The following KLC1 variants were observed in gnomAD, a reference collection of about 807,000 sequenced individuals.
The protein encoded by KLC1 is kinesin 2 60/70kDa.
Under a neutral mutation model 84.2 loss-of-function variants are expected in KLC1, and 30 were observed. The observed-to-expected ratio is 0.36, with a 90% CI of 0.27 to 0.48. The LOEUF is 0.48. Ranked by LOEUF, KLC1 falls within the 20% of genes least tolerant of loss-of-function variation. The pLI is 0.99. For synonymous variants in KLC1, 289 were observed against 293.3 expected, an observed-to-expected ratio of 0.99 and a Z score of 0.15; for missense variants, 499 against 805.4, an observed-to-expected ratio of 0.62 and a Z score of 4.60.
chr14:103,675,443 C>T (rs2080799873), intron 9 of KLC1, 109 bp from the exon 10 acceptor site: 1 of 863,858 alleles, frequency 1.2e-6, no homozygotes, highest in South Asian at 1.7e-5. Context: ...AAGTTTGAAA[C>T]TTTTCGAGTG....
intron 5 of KLC1, among the ~76,000 whole-genome samples, chr14:103,669,118 C>A (rs926877440): frequency 8.6e-5 from 13 of 151,504 alleles, no homozygotes; most frequent in Admixed American, 4.0e-4. Flanking sequence ...ACTTTTATTT[C>A]TGTAGTTGAA....
intron 1 of KLC1, among the ~76,000 whole-genome samples, chr14:103,638,618 T>C (rs1021047165): frequency 6.6e-6 from 1 of 151,784 alleles, no homozygotes; most frequent in African/African-American, 2.4e-5. Context: ...CCAAAGATGA[T>C]GCCCTTTGCT....
chr14:103,668,463 T>A (rs2080079548), intron 5 of KLC1, among the ~76,000 whole-genome samples: 1 of 152,116 alleles, frequency 6.6e-6, no homozygotes, highest in Non-Finnish European at 1.5e-5. Context: ...TCCATAAGCT[T>A]GTGGTTTTTC....
intron 1 of KLC1, among the ~76,000 whole-genome samples, chr14:103,637,431 G>A (rs2077130835): frequency 6.6e-6 from 1 of 151,890 alleles, no homozygotes; most frequent in Non-Finnish European, 1.5e-5. Context: ...TTGGGAGGCT[G>A]AGGCAGAAGA....
intron 1 of KLC1, among the ~76,000 whole-genome samples, chr14:103,637,849 C>A (rs1490027186): frequency 6.6e-6 from 1 of 152,118 alleles, no homozygotes; most frequent in Non-Finnish European, 1.5e-5. Flanking sequence ...CATGTGCGCA[C>A]CACCATGACC....
rs2079404491 is a variant in KLC1 at position 103,662,936 on chromosome 14, C to T, written c.797+9C>T. On this transcript the variant is annotated intron_variant, in intron 5 of 16. Transcript: ENST00000334553. ...CTGGCCTTGGTGTACAGGCTAGTCA[C>T]TTTTGTTTACCTACTGAATTTTACC... 6.3e-7 allele frequency: 1 copy of T among 1,580,406 alleles called. No homozygotes were observed. The highest frequency in any genetic ancestry group is 8.6e-7 in the Non-Finnish European group (1 of 1,162,604).
Position 103,694,785 on chromosome 14 carries a change from G to A in KLC1, c.1848+2360G>A. 1.0e-6 allele frequency: 1 copy of A among 985,506 alleles called. No individual in the cohort carries two copies. Among genetic ancestry groups the A allele is most frequent in the Non-Finnish European group, 1.2e-6 (1 of 829,948 alleles). The allele number at this position is 985,506 out of a possible 1,614,324, so 61.0% of individuals were successfully genotyped here. A position where few individuals can be genotyped will look rare whatever the true frequency, so the allele number is the denominator to read the frequency against. ...CACTTGTCACCTTCAGCCTCTAGAA[G>A]CTCCCCGTGGGGCACGAAGGCTGGG... is the stretch of plus-strand genomic sequence containing the variant. On this transcript the variant is annotated intron_variant, in intron 15 of 16. Coordinates refer to ENST00000334553, the MANE Select transcript of KLC1 (RefSeq NM_001394837.1). The surrounding 1 kb of genome is among the most constrained non-coding windows in gnomAD (Gnocchi z 4.5).
intron 15 of KLC1, 51 bp downstream of exon 15, chr14:103,692,476 A>G: frequency 6.7e-7 from 1 of 1,484,500 alleles, no homozygotes; most frequent in Non-Finnish European, 9.1e-7. Context: ...CCACGCTGGC[A>G]GGTCTGCTGC....
intron 1 of KLC1, among the ~76,000 whole-genome samples, chr14:103,639,640 G>C (rs1032790786): frequency 1.3e-5 from 2 of 150,942 alleles, no homozygotes; most frequent in Non-Finnish European, 3.0e-5. Context: ...GGGTCTCACT[G>C]TATTCCCCAG....
intron 1 of KLC1, among the ~76,000 whole-genome samples, chr14:103,631,172 C>A (rs995996760): frequency 1.3e-5 from 2 of 152,128 alleles, no homozygotes; most frequent in East Asian, 3.9e-4. Flanking sequence ...GCTCCGCCTC[C>A]CGGGTTCACG....
At chr14:103,689,543 G>C (rs895038152) in intron 14 of KLC1, among the ~76,000 whole-genome samples, 21 of 152,212 alleles carry the variant, frequency 1.4e-4, no homozygotes, top group African/African-American at 5.1e-4. Context: ...CTAGACAGTA[G>C]TCTCAGACAT....
chr14:103,687,998 G>C (rs2081888619), intron 14 of KLC1: 1 of 152,170 alleles, frequency 6.6e-6, no homozygotes, highest in Non-Finnish European at 1.5e-5. Context: ...TTTAGAGACT[G>C]ATTCCTAGTA....
At chr14:103,669,477 A>G (rs376484826) in intron 5 of KLC1, 34 bp from the exon 6 acceptor site, 1 of 1,190,064 alleles carries the variant, frequency 8.4e-7, no homozygotes, top group Non-Finnish European at 1.2e-6. Flanking sequence ...AGTGATCTAC[A>G]TCTGAAACAC....
At chr14:103,696,050 C>T (rs2082453861) in intron 15 of KLC1, 1 of 984,728 alleles carries the variant, frequency 1.0e-6, no homozygotes, top group African/African-American at 1.8e-5. Context: ...ACGCGAGAGT[C>T]AGCACCTGTT....
chr14:103,697,109 C>T lies in KLC1; in HGVS notation c.1849-3546C>T, dbSNP rs3212132. On this transcript the variant is annotated intron_variant, in intron 15 of 16. Coordinates refer to ENST00000334553, the MANE Select transcript of KLC1 (RefSeq NM_001394837.1). ...TTGCCTAGAAAAGCATTTGGAATTG[C>T]TTATGTTCAATTACAGAAATAAAAT... is the stretch of plus-strand genomic sequence containing the variant. The T allele has an allele frequency of 1.7e-3, 1,719 of 985,198 alleles. 3 individuals carry two copies. The highest frequency in any genetic ancestry group is 2.1e-3 in the Middle Eastern group (4 of 1,912). 61.0% of individuals were successfully genotyped at this position (985,198 alleles called of 1,614,324 possible).
intron 3 of KLC1, among the ~76,000 whole-genome samples, chr14:103,658,656 CTTTTTTTTTT>C (rs58151718): frequency 9.3e-6 from 1 of 107,954 alleles, no homozygotes; most frequent in Non-Finnish European, 1.8e-5. Context: ...ATTCAGTTAA[CTTTTTTTTTT>C]TTTTTTTTTG....
At chr14:103,683,431 A>G (rs367816325) in intron 13 of KLC1, 2 of 152,176 alleles carry the variant, frequency 1.3e-5, no homozygotes, top group African/African-American at 4.8e-5. Context: ...GCCTCTGAAA[A>G]TGCAACTGCA....
At chr14:103,699,338 G>A in intron 15 of KLC1, 1 of 1,577,716 alleles carries the variant, frequency 6.3e-7, no homozygotes, top group Non-Finnish European at 8.6e-7. Flanking sequence ...ACGAGCTCAG[G>A]GGTGCAACCC....
intron 3 of KLC1, among the ~76,000 whole-genome samples, 169 bp from the exon 4 acceptor site, chr14:103,661,947 C>G (rs1430070801): frequency 6.6e-6 from 1 of 152,202 alleles, no homozygotes; most frequent in East Asian, 1.9e-4. Context: ...TTCATTACTC[C>G]TGTTCAACTG....
Sources: gnomAD v4.1 joint callset for allele counts (sites outside exome capture counted in the v4.1 genomes callset) on GRCh38, gnomAD v4.1.1 for gene constraint, Gnocchi (gnomAD v3.1) non-coding constraint, MANE v1.5 for transcripts, NCBI Gene and HGNC (gene_info 2026-07-23, HGNC 2026-07-21) for gene names.